Variants in RUFY2 observed in about 807,000 individuals in gnomAD.
RUFY2 encodes RUN and FYVE domain-containing protein 2.
A neutral mutation model predicts 94.4 loss-of-function variants in RUFY2; 49 were observed. The ratio of observed to expected loss-of-function variants is 0.52; its 90% CI spans 0.41 to 0.66. RUFY2 has a LOEUF of 0.66. RUFY2 is among the 30% of genes least tolerant of loss of function. RUFY2 has a pLI of 0.00. For missense variants in RUFY2, 541 were observed against 692.8 expected (o/e 0.78, Z 2.46); for synonymous variants, 255 against 235.7 (o/e 1.08, Z -0.75).
intron 13 of RUFY2, among the ~76,000 whole-genome samples, chr10:68,366,752 AT>A (rs2047854657): frequency 7.2e-6 from 1 of 139,768 alleles, no homozygotes; most frequent in Admixed American, 8.0e-5. Flanking sequence ...ATATATATAT[AT>A]ATATATAATA....
At chr10:68,387,804 A>T (rs2049626411) in intron 7 of RUFY2, among the ~76,000 whole-genome samples, 1 of 152,082 alleles carries the variant, frequency 6.6e-6, no homozygotes, top group Admixed American at 6.6e-5. Flanking sequence ...GGAATTCAAA[A>T]TCAGCCTGGC....
At chr10:68,349,351 C>T (rs1004495265) in intron 16 of RUFY2, among the ~76,000 whole-genome samples, 3 of 151,822 alleles carry the variant, frequency 2.0e-5, no homozygotes, top group African/African-American at 7.3e-5. Context: ...CCCCCACCAT[C>T]TCTAAAAAAT....
chr10:68,397,759 T>TA (rs1188334334), intron 3 of RUFY2, among the ~76,000 whole-genome samples: 1 of 150,816 alleles, frequency 6.6e-6, no homozygotes, highest in Non-Finnish European at 1.5e-5. Context: ...GCCTGGGTGA[T>TA]AGAGTGAGAC....
At chr10:68,354,861 T>G (rs1455478510) in intron 16 of RUFY2, among the ~76,000 whole-genome samples, 1 of 152,036 alleles carries the variant, frequency 6.6e-6, no homozygotes, top group Non-Finnish European at 1.5e-5. Flanking sequence ...TTTTTTTTTT[T>G]TTTGAGAAAG....
intron 16 of RUFY2, among the ~76,000 whole-genome samples, chr10:68,347,390 T>C (rs1317886696): frequency 2.6e-5 from 4 of 151,628 alleles, no homozygotes; most frequent in Non-Finnish European, 5.9e-5. Flanking sequence ...GTTCAAGTGA[T>C]TCTCCTGCCT....
chr10:68,406,799 C>T, intron 1 of RUFY2: 1 of 1,612,690 alleles, frequency 6.2e-7, no homozygotes, highest in South Asian at 1.1e-5. Flanking sequence ...CCCTCGGCGT[C>T]AGGCACCCAG....
At chr10:68,402,147 T>C (rs1008801384) in intron 2 of RUFY2, among the ~76,000 whole-genome samples, 1 of 151,958 alleles carries the variant, frequency 6.6e-6, no homozygotes, top group Non-Finnish European at 1.5e-5. Flanking sequence ...TAAGTAGAGA[T>C]GGCATTTTGC....
chr10:68,367,625 T>C (rs2047941225), intron 13 of RUFY2, among the ~76,000 whole-genome samples: 1 of 152,032 alleles, frequency 6.6e-6, no homozygotes, highest in Non-Finnish European at 1.5e-5. Context: ...CAGCTAATTT[T>C]TTCTTTCTTT....
Position 68,378,193 on chromosome 10 carries a change from G to A in RUFY2, c.1206-1221C>T, listed in dbSNP as rs551796255. The A allele has an allele frequency of 6.3e-5, 62 of 991,766 alleles. No individual in the cohort carries two copies. The African/African-American group carries it at 1.0e-3, about 16-fold the overall frequency. The allele number at this position is 991,766 out of a possible 1,614,324, so 61.4% of individuals were successfully genotyped here. ...GTAAGGGAGCCATTGGGCAAAGAGT[G>A]GGCCAATGAGAAAAAAATATCTGTG... On this transcript the variant is annotated intron_variant, in intron 12 of 17. Transcript: ENST00000602465.
intron 7 of RUFY2, among the ~76,000 whole-genome samples, chr10:68,392,242 A>C (rs1379614303): frequency 6.6e-6 from 1 of 151,996 alleles, no homozygotes; most frequent in Non-Finnish European, 1.5e-5. Context: ...CATACTGGGC[A>C]GGCTGGTCTC....
chr10:68,405,578 TG>T (rs2051227840), intron 1 of RUFY2: 1 of 740,632 alleles, frequency 1.4e-6, no homozygotes, highest in South Asian at 6.1e-5. Context: ...AAGGCAAAAA[TG>T]TTCAGAATAA....
intron 16 of RUFY2, among the ~76,000 whole-genome samples, chr10:68,353,757 C>T (rs1236655023): frequency 6.6e-6 from 1 of 152,002 alleles, no homozygotes; most frequent in African/African-American, 2.4e-5. Context: ...TATGATTGTG[C>T]CACTGTACTC....
chr10:68,383,764 T>G, intron 10 of RUFY2, 34 bp downstream of exon 10: 4 of 1,389,168 alleles, frequency 2.9e-6, no homozygotes, highest in Non-Finnish European at 4.1e-6. Flanking sequence ...ACTCCCAGGA[T>G]GATCTTGCTA....
Position 68,380,599 on chromosome 10 carries a change from C to T in RUFY2, c.1107+633G>A, listed in dbSNP as rs146578022. On this transcript the variant is annotated intron_variant, in intron 11 of 17. Transcript: ENST00000602465. ...ATTATGGGCCAGGCATGGTGGCTCA[C>T]GCCTGTAATCTCAGCACTTTGGGAG... Among the ~76,000 whole-genome samples, 1,232 of 152,120 alleles carry T rather than the reference C, an allele frequency of 8.1e-3. 17 individuals carry two copies. The highest frequency in any genetic ancestry group is 0.028 in the African/African-American group (1,149 of 41,494).
chr10:68,379,661 A>G (rs2048899662), intron 11 of RUFY2, 140 bp from the exon 12 acceptor site: 1 of 574,742 alleles, frequency 1.7e-6, no homozygotes, highest in East Asian at 3.1e-5. Flanking sequence ...AAGCTATCCC[A>G]CCTCTCAGCC....
chr10:68,351,173 C>T (rs2046643266), intron 16 of RUFY2, among the ~76,000 whole-genome samples: 1 of 127,614 alleles, frequency 7.8e-6, no homozygotes, highest in South Asian at 2.5e-4. Flanking sequence ...ACCCTGTTGC[C>T]CAGACTGGAG....
chr10:68,350,514 A>G (rs574555062), intron 16 of RUFY2, among the ~76,000 whole-genome samples: 7 of 152,352 alleles, frequency 4.6e-5, no homozygotes, highest in African/African-American at 1.7e-4. Context: ...CACATAAAAA[A>G]ACTGAGAAAA....
At chr10:68,401,446 A>G (rs1326130533) in intron 3 of RUFY2, among the ~76,000 whole-genome samples, 174 bp downstream of exon 3, 1 of 152,350 alleles carries the variant, frequency 6.6e-6, no homozygotes, top group East Asian at 1.9e-4. Flanking sequence ...AAACTTCATA[A>G]AGGAAATGGG....
At chr10:68,374,855 A>G (rs1007747812) in intron 13 of RUFY2, among the ~76,000 whole-genome samples, 25 of 152,150 alleles carry the variant, frequency 1.6e-4, no homozygotes, top group African/African-American at 5.3e-4. Context: ...ATAAAATAAA[A>G]CTAAAATGCC....
Sources: gnomAD v4.1 joint callset for allele counts (sites outside exome capture counted in the v4.1 genomes callset) on GRCh38, gnomAD v4.1.1 for gene constraint, MANE v1.5 for transcripts, NCBI Gene and HGNC (gene_info 2026-07-23, HGNC 2026-07-21) for gene names.